Variants in LARP1 observed in about 807,000 individuals in gnomAD.
LARP1 encodes la-related protein 1.
Under a neutral mutation model 122.7 loss-of-function variants are expected in LARP1, and 36 were observed. The observed-to-expected ratio is 0.29, with a 90% CI of 0.22 to 0.39. The LOEUF is 0.39. LARP1 is among the 10% of genes least tolerant of loss of function. LARP1 has a pLI of 1.00. For missense variants in LARP1, 1,040 were observed against 1,403.6 expected (o/e 0.74, Z 4.14); for synonymous variants, 539 against 528.7 (o/e 1.02, Z -0.27).
chr5:154,777,972 G>C (rs1756056459), intron 1 of LARP1, among the ~76,000 whole-genome samples: 1 of 152,190 alleles, frequency 6.6e-6, no homozygotes, highest in Admixed American at 6.5e-5. Flanking sequence ...GCTGGTTTAA[G>C]AAGTGCAGGA....
chr5:154,735,162 C>G (rs1352435235), intron 1 of LARP1, among the ~76,000 whole-genome samples: 2 of 152,100 alleles, frequency 1.3e-5, no homozygotes, highest in African/African-American at 4.8e-5. Flanking sequence ...CTCTTTAGGA[C>G]CCTGCTTTCA....
intron 1 of LARP1, among the ~76,000 whole-genome samples, chr5:154,747,821 G>A (rs998584590): frequency 5.3e-5 from 8 of 152,060 alleles, no homozygotes; most frequent in Admixed American, 3.9e-4. Context: ...CCAAGATTGT[G>A]CCACTGCACT....
At position 154,696,063 on chromosome 5, in the gene LARP1, A is replaced by C. The variant is rs542913024; in HGVS notation, c.-180+13026A>C. Among the ~76,000 whole-genome samples the C allele has an allele frequency of 2.0e-5, 3 of 152,068 alleles. No individual in the cohort carries two copies. In the South Asian group the frequency reaches 6.2e-4, roughly 32 times the overall value. On this transcript the variant is annotated intron_variant, in intron 1 of 18. Transcript: ENST00000687700. The stretch of plus-strand genomic sequence containing the variant: ...TCCAGTACATAATAAATATTCAACA[A>C]ATACTCATTGAGGCTGGGCACGGTG...
Position 154,802,062 on chromosome 5 carries a change from C to A in LARP1, c.1772C>A (p.Ser591Tyr), listed in dbSNP as rs1016563590. The change falls in exon 11 of 19, where the codon TCC becomes TAC. Residue 591 changes from serine to tyrosine, a missense_variant. Transcript: ENST00000518297. This position sits in a 1 kb window ranked among gnomAD's most constrained non-coding sequence, Gnocchi z 5.1. ...HLTSLPQQLP[S>Y]QQLMSKDQDE... ...ACCTCTCTGCCTCAGCAGCTGCCTTCCCAGCAGCTGATGTCCAAGGATCAG... is the reference window on the plus strand; with the variant it reads ...ACCTCTCTGCCTCAGCAGCTGCCTTACCAGCAGCTGATGTCCAAGGATCAG... 6.2e-7 allele frequency: 1 copy of A among 1,614,016 alleles called. No individual in the cohort carries two copies. The highest frequency in any genetic ancestry group is 1.1e-5 in the South Asian group (1 of 91,070).
intron 1 of LARP1, among the ~76,000 whole-genome samples, chr5:154,766,705 T>C (rs1357107747): frequency 6.6e-6 from 1 of 152,186 alleles, no homozygotes; most frequent in African/African-American, 2.4e-5. Flanking sequence ...TGGCTAGGCT[T>C]CTAACCATCA....
rs1190995250 is a variant in LARP1 at position 154,802,160 on chromosome 5, A to G, written c.1870A>G (p.Thr624Ala). 1 of 1,614,098 alleles carries G rather than the reference A, an allele frequency of 6.2e-7. No homozygotes were observed. The highest frequency in any genetic ancestry group is 1.7e-5 in the Admixed American group (1 of 60,008). The change falls in exon 11 of 19, where the codon ACT (threonine) becomes GCT (alanine). Residue 624 changes from threonine (T) to alanine (A), a missense_variant. Thr to Ala is a moderately conservative substitution (Grantham distance 58). Transcript: ENST00000518297. This position sits in a 1 kb window ranked among gnomAD's most constrained non-coding sequence, Gnocchi z 5.1. Reference protein sequence around the residue: ...EQMDGRKNTFTAWSDEESDYE... With the variant: ...EQMDGRKNTFAAWSDEESDYE... ...GATGGATGGGCGGAAGAACACCTTC[A>G]CTGCCTGGTCTGATGAGGAATCTGA...
At chr5:154,699,905 G>A (rs1257741857) in intron 1 of LARP1, among the ~76,000 whole-genome samples, 2 of 152,154 alleles carry the variant, frequency 1.3e-5, no homozygotes, top group East Asian at 1.9e-4. Context: ...ACTGAGGCCC[G>A]GAGAGGAAAA....
At chr5:154,740,089 T>TA (rs11437990) in intron 1 of LARP1, among the ~76,000 whole-genome samples, 54,236 of 118,706 alleles carry the variant, frequency 0.46, 11,909 homozygotes, top group African/African-American at 0.52. Flanking sequence ...ACACAAACAT[T>TA]AAAAAAAAAA....
Position 154,805,862 on chromosome 5 carries a change from T to A in LARP1, c.2547-19T>A. The A allele has an allele frequency of 6.2e-7, 1 of 1,610,710 alleles. No homozygotes were observed. Among genetic ancestry groups the A allele is most frequent in the South Asian group, 1.1e-5 (1 of 90,696 alleles). On this transcript the variant is annotated intron_variant, in intron 14 of 18. Coordinates refer to ENST00000518297, the MANE Select transcript of LARP1 (RefSeq NM_033551.3). Reference sequence around the variant, plus strand: ...TGCTGTGGGGAACCTGGTGACAGTATTTTTTGTGGTTTCTGTAGCTCCAGC... The same window carrying A: ...TGCTGTGGGGAACCTGGTGACAGTAATTTTTGTGGTTTCTGTAGCTCCAGC...
intron 1 of LARP1, among the ~76,000 whole-genome samples, chr5:154,735,613 G>C (rs1756843238): frequency 6.7e-6 from 1 of 149,960 alleles, no homozygotes; most frequent in Non-Finnish European, 1.5e-5. Flanking sequence ...TTGTTGTCCA[G>C]GCTGGATTGT....
chr5:154,814,191 G>C lies in LARP1; in HGVS notation c.*95G>C. On this transcript the variant is annotated 3_prime_UTR_variant, in exon 19 of 19. Coordinates refer to ENST00000518297, the MANE Select transcript of LARP1 (RefSeq NM_033551.3). ...GTCCCAGGAAAGGGGACAATGAAGG[G>C]ACAGGCCTGGAGTTACTAGGACAGG... 8.0e-7 allele frequency: 1 copy of C among 1,255,494 alleles called. No homozygotes were observed. Among genetic ancestry groups the C allele is most frequent in the South Asian group, 1.4e-5 (1 of 73,844 alleles). 77.8% of individuals were successfully genotyped at this position (1,255,494 alleles called of 1,614,324 possible).
At chr5:154,697,684 A>C (rs983916799) in intron 1 of LARP1, among the ~76,000 whole-genome samples, 1 of 152,224 alleles carries the variant, frequency 6.6e-6, no homozygotes, top group African/African-American at 2.4e-5. Flanking sequence ...TTATGATTCC[A>C]TTTATATGAA....
upstream of LARP1, among the ~76,000 whole-genome samples, chr5:154,708,020 T>A (rs1253473701): frequency 6.6e-6 from 1 of 152,246 alleles, no homozygotes; most frequent in Admixed American, 6.5e-5. Flanking sequence ...GCTTCTAGCA[T>A]GGACAATGTC....
At chr5:154,779,505 CTT>C (rs11339301) in intron 1 of LARP1, among the ~76,000 whole-genome samples, 32 of 123,164 alleles carry the variant, frequency 2.6e-4, no homozygotes, top group African/African-American at 4.9e-4. Context: ...TACATTCTCT[CTT>C]TTTTTTTTTT....
At chr5:154,773,669 T>G (rs937379178) in intron 1 of LARP1, among the ~76,000 whole-genome samples, 1 of 152,178 alleles carries the variant, frequency 6.6e-6, no homozygotes, top group Non-Finnish European at 1.5e-5. Flanking sequence ...ATCTGCCAGA[T>G]TCTGAGAGCT....
chr5:154,791,460 C>T (rs1272546251), intron 3 of LARP1, among the ~76,000 whole-genome samples: 1 of 152,150 alleles, frequency 6.6e-6, no homozygotes, highest in Non-Finnish European at 1.5e-5. Context: ...CTGCCCGCCT[C>T]GGCCTCCCAA....
In LARP1 at chr5:154,805,907, C is replaced by T. The variant is rs1438749968; in HGVS notation, c.2573C>T (p.Thr858Ile). 1.9e-6 allele frequency: 3 copies of T among 1,614,002 alleles called. No individual in the cohort carries two copies. Among genetic ancestry groups the T allele is most frequent in the African/African-American group, 1.3e-5 (1 of 74,926 alleles). ...ISSSPSEGTP[T>I]VGSYGCTPQS... The stretch of plus-strand genomic sequence containing the variant: ...TCCAGCCCCTCAGAAGGGACGCCTA[C>T]AGTTGGCAGCTATGGCTGTACCCCT... The change falls in exon 15 of 19, where the codon ACA (threonine) becomes ATA (isoleucine). Residue 858 changes from threonine (T) to isoleucine (I), a missense_variant. Thr to Ile is a moderately conservative substitution (Grantham distance 89). Around this residue, in one of 8 missense-constraint regions of LARP1, gnomAD observed 26 missense variants for 27.5 expected, o/e 0.94. Transcript: ENST00000518297.
At chr5:154,807,297 T>C (rs1057273434) in intron 15 of LARP1, among the ~76,000 whole-genome samples, 1 of 152,222 alleles carries the variant, frequency 6.6e-6, no homozygotes, top group Non-Finnish European at 1.5e-5. Flanking sequence ...CTACTGGGCA[T>C]ATTCACATAC....
intron 3 of LARP1, chr5:154,791,982 C>T: frequency 2.2e-6 from 1 of 455,896 alleles, no homozygotes; most frequent in Non-Finnish European, 4.4e-6. Context: ...TAATTACTAG[C>T]CCTTGATGGC....
Sources: allele counts gnomAD v4.1 joint callset (sites outside exome capture counted in the v4.1 genomes callset), GRCh38; gene constraint gnomAD v4.1.1; regional missense constraint gnomAD v4.1.1; non-coding constraint Gnocchi (gnomAD v3.1); transcripts MANE v1.5; gene names NCBI Gene and HGNC (gene_info 2026-07-23, HGNC 2026-07-21).